The following STRN variants were observed in gnomAD, a reference collection of about 807,000 sequenced individuals.
The protein encoded by STRN is protein phosphatase 2 regulatory subunit B'''alpha.
In STRN, 53 loss-of-function variants were observed where a neutral mutation model predicts 96.3. The observed-to-expected ratio is 0.55, with a 90% CI of 0.44 to 0.69. STRN has a LOEUF of 0.69. STRN is among the 30% of genes least tolerant of loss of function. The probability of loss-of-function intolerance (pLI) is 0.00; values close to 1 mark genes in which losing one functional copy is unlikely to be tolerated. For synonymous variants in STRN, 428 were observed against 355.9 expected (o/e 1.20, Z -2.28); for missense variants, 987 against 963.9 (o/e 1.02, Z -0.32).
rs1308054882 is a variant in STRN at position 36,843,842 on chromosome 2, A to G, written c.*5614T>C. ...ATTTAAAAACAAATAATACACTTAG[A>G]GCCACCAAAGATGGATATCTTAATT... On this transcript the variant is annotated 3_prime_UTR_variant, in exon 18 of 18. Transcript: ENST00000263918. 6.6e-6 allele frequency: 1 copy of G among 152,226 alleles called. No individual in the cohort carries two copies. The highest frequency in any genetic ancestry group is 1.9e-4 in the East Asian group (1 of 5,200). The allele number at this position is 152,226 out of a possible 1,614,324, so 9.4% of individuals were successfully genotyped here. A position where few individuals can be genotyped will look rare whatever the true frequency, so the allele number is the denominator to read the frequency against.
chr2:36,964,035 C>A (rs1665093451), intron 1 of STRN, among the ~76,000 whole-genome samples: 1 of 151,728 alleles, frequency 6.6e-6, no homozygotes, highest in Admixed American at 6.6e-5. Flanking sequence ...TGATAAGCAC[C>A]CATGGGAAAG....
rs1351781125 is a variant in STRN at position 36,848,219 on chromosome 2, T to C, written c.*1237A>G. 2 of 152,076 alleles carry C rather than the reference T, an allele frequency of 1.3e-5. No homozygotes were observed. The highest frequency in any genetic ancestry group is 4.8e-5 in the African/African-American group (2 of 41,426). The allele number at this position is 152,076 out of a possible 1,614,324, so 9.4% of individuals were successfully genotyped here. ...AAACATGTATATCTCAATTAAACAATGGGGGAGGAATAGGGAGAGAGAAAG... is the reference window on the plus strand; with the variant it reads ...AAACATGTATATCTCAATTAAACAACGGGGGAGGAATAGGGAGAGAGAAAG... On this transcript the variant is annotated 3_prime_UTR_variant, in exon 18 of 18. Transcript: ENST00000263918.
rs1158709835 is a variant in STRN at position 36,957,742 on chromosome 2, G to GTTTTTT, written c.234+8487_234+8488insAAAAAA. Among the ~76,000 whole-genome samples the GTTTTTT allele has an allele frequency of 5.0e-3, 511 of 103,108 alleles. 71 individuals are homozygous for GTTTTTT. The highest frequency in any genetic ancestry group is 6.4e-3 in the Middle Eastern group (1 of 156). The allele number at this position is 103,108 out of a possible 152,430, so 67.6% of individuals were successfully genotyped here. A position where few individuals can be genotyped will look rare whatever the true frequency, so the allele number is the denominator to read the frequency against. ...GATTAGTCTCATAGTTCTTCTTTTTGTCTTTTTTTTTTTTTTTTTTTTTTT... is the reference window on the plus strand; with the variant it reads ...GATTAGTCTCATAGTTCTTCTTTTTGTTTTTTTCTTTTTTTTTTTTTTTTTTTTTTT... On this transcript the variant is annotated intron_variant, in intron 1 of 17. Transcript: ENST00000263918.
At chr2:36,915,710 T>C (rs757923514) in intron 3 of STRN, among the ~76,000 whole-genome samples, 35 of 152,204 alleles carry the variant, frequency 2.3e-4, no homozygotes, top group Non-Finnish European at 4.6e-4. Flanking sequence ...CCATATTTCC[T>C]AATCTTTCTC....
chr2:36,883,794 C>T (rs1181157906), intron 9 of STRN, 138 bp downstream of exon 9: 43 of 847,502 alleles, frequency 5.1e-5, no homozygotes, highest in Non-Finnish European at 5.8e-5. Flanking sequence ...TGTAAGAAAG[C>T]TTGCATTTGG....
chr2:36,947,243 G>A (rs886322799), intron 1 of STRN, among the ~76,000 whole-genome samples: 2 of 151,978 alleles, frequency 1.3e-5, no homozygotes, highest in East Asian at 3.8e-4. Context: ...CCTTAACTAG[G>A]AAGGACAAGT....
intron 5 of STRN, among the ~76,000 whole-genome samples, chr2:36,901,686 A>C (rs1399803919): frequency 3.3e-5 from 5 of 152,208 alleles, no homozygotes; most frequent in African/African-American, 1.2e-4. Flanking sequence ...CCTTACATTT[A>C]CAAATATAAG....
intron 7 of STRN, among the ~76,000 whole-genome samples, chr2:36,891,200 C>G (rs1669387482): frequency 6.6e-6 from 1 of 152,174 alleles, no homozygotes; most frequent in African/African-American, 2.4e-5. Context: ...AAGTAACTTA[C>G]TTTAACACCT....
intron 12 of STRN, among the ~76,000 whole-genome samples, chr2:36,867,191 T>C (rs1050707068): frequency 1.3e-5 from 2 of 152,068 alleles, no homozygotes; most frequent in South Asian, 4.1e-4. Flanking sequence ...TTTAGAAAAA[T>C]ATGAAACCCT....
In STRN at chr2:36,966,531, C is replaced by T. The variant is rs1016249631; in HGVS notation, c.-68G>A. The T allele has an allele frequency of 5.5e-5, 75 of 1,353,314 alleles. No individual in the cohort carries two copies. The highest frequency in any genetic ancestry group is 7.7e-5 in the African/African-American group (5 of 64,966). 83.8% of individuals were successfully genotyped at this position (1,353,314 alleles called of 1,614,324 possible). On this transcript the variant is annotated 5_prime_UTR_variant, in exon 1 of 18. Transcript: ENST00000263918. ...CGGAGGCAACAGCGGCGGCAAGCAG[C>T]GCCTCCTCCTCCCTCCGCCGCTCCC...
chr2:36,877,915 A>G lies in STRN; in HGVS notation c.1299T>C (p.Asn433=). 1 of 1,614,206 alleles carries G rather than the reference A, an allele frequency of 6.2e-7. No individual in the cohort carries two copies. The highest frequency in any genetic ancestry group is 8.5e-7 in the Non-Finnish European group (1 of 1,180,026). ...LGELAGLTVA[N]EADSLTYDIA... ...CATCATAAGTTAGTGAGTCTGCTTC[A>G]TTGGCCACCGTAAGGCCTGCTAGTT... The change falls in exon 10 of 18, where the codon AAT becomes AAC. Residue 433 remains asparagine, a synonymous_variant. Coordinates refer to ENST00000263918, the MANE Select transcript of STRN (RefSeq NM_003162.4).
chr2:36,964,157 A>T (rs1367314297), intron 1 of STRN, among the ~76,000 whole-genome samples: 1 of 114,136 alleles, frequency 8.8e-6, no homozygotes, highest in African/African-American at 3.9e-5. Context: ...AAAAGTTTAA[A>T]CGAGGAGAGG....
chr2:36,959,707 A>T (rs1041746523), intron 1 of STRN, among the ~76,000 whole-genome samples: 2 of 152,260 alleles, frequency 1.3e-5, no homozygotes, highest in African/African-American at 4.8e-5. Flanking sequence ...TTCTATAAAA[A>T]GCCATCCATA....
chr2:36,886,881 T>G lies in STRN; in HGVS notation c.932-55A>C, dbSNP rs1185801905. On this transcript the variant is annotated intron_variant, in intron 7 of 17. Transcript: ENST00000263918. ...TTTTTCAATAAAATATTGAACACTCTGAGTCAGTATGTCTGAATGACGTAA... is the reference window on the plus strand; with the variant it reads ...TTTTTCAATAAAATATTGAACACTCGGAGTCAGTATGTCTGAATGACGTAA... 2.9e-6 allele frequency: 4 copies of G among 1,381,032 alleles called. No individual in the cohort carries two copies. The East Asian group carries it at 7.1e-5, about 24-fold the overall frequency. 85.5% of individuals were successfully genotyped at this position (1,381,032 alleles called of 1,614,324 possible).
chr2:36,947,594 C>T (rs1021132934), intron 1 of STRN, among the ~76,000 whole-genome samples: 41 of 148,718 alleles, frequency 2.8e-4, no homozygotes, highest in African/African-American at 1.0e-3. Context: ...TATAAAATCA[C>T]TGAACTGTGT....
At chr2:36,856,175 G>T (rs1278677910) in intron 14 of STRN, among the ~76,000 whole-genome samples, 1 of 152,184 alleles carries the variant, frequency 6.6e-6, no homozygotes, top group Non-Finnish European at 1.5e-5. Flanking sequence ...CTGTATGTTT[G>T]TAAGGATGCA....
At chr2:36,873,204 G>C (rs1375182429) in intron 10 of STRN, among the ~76,000 whole-genome samples, 2 of 152,246 alleles carry the variant, frequency 1.3e-5, no homozygotes, top group African/African-American at 4.8e-5. Context: ...AGAGCCAGTG[G>C]CTGCATACAT....
intron 7 of STRN, among the ~76,000 whole-genome samples, chr2:36,890,385 A>C (rs184335853): frequency 1.3e-5 from 2 of 152,044 alleles, no homozygotes; most frequent in Admixed American, 6.6e-5. Flanking sequence ...GCAAATTTAC[A>C]TGGTTTAAGC....
intron 10 of STRN, among the ~76,000 whole-genome samples, chr2:36,870,437 T>C (rs1668734285): frequency 6.6e-6 from 1 of 152,110 alleles, no homozygotes; most frequent in Non-Finnish European, 1.5e-5. Context: ...TAAGTTTAAA[T>C]AAGGGTAGCA....
Sources: gnomAD v4.1 joint callset for allele counts (sites outside exome capture counted in the v4.1 genomes callset) on GRCh38, gnomAD v4.1.1 for gene constraint, MANE v1.5 for transcripts, NCBI Gene and HGNC (gene_info 2026-07-23, HGNC 2026-07-21) for gene names.